Variants in FBXW11 observed in about 807,000 individuals in gnomAD.
The protein encoded by FBXW11 is F-box and WD repeat domain containing 11.
FBXW11 carries 19 observed loss-of-function variants against 77.6 expected under a neutral mutation model. The ratio of observed to expected loss-of-function variants is 0.24; its 90% CI spans 0.17 to 0.36. The LOEUF (loss-of-function observed/expected upper bound fraction) is 0.36. Among genes scored for constraint, FBXW11 ranks in the 10% least tolerant of loss-of-function variants. The pLI, the probability that FBXW11 is intolerant of heterozygous loss-of-function variation, is 1.00. For missense variants in FBXW11, 334 were observed against 704.2 expected, an observed-to-expected ratio of 0.47 and a Z score of 5.95; for synonymous variants, 235 against 249.4, an observed-to-expected ratio of 0.94 and a Z score of 0.54.
At chr5:171,935,737 C>T (rs1374159902) in intron 2 of FBXW11, among the ~76,000 whole-genome samples, 1 of 152,016 alleles carries the variant, frequency 6.6e-6, no homozygotes, top group African/African-American at 2.4e-5. Flanking sequence ...GTAAAGGTTT[C>T]CTTGAGTAAT....
intron 1 of FBXW11, among the ~76,000 whole-genome samples, chr5:171,961,067 T>C (rs1268768864): frequency 2.0e-5 from 3 of 152,206 alleles, no homozygotes; most frequent in African/African-American, 4.8e-5. Flanking sequence ...TTTACAATAA[T>C]CCTACACAAT....
chr5:171,905,888 C>G (rs1349218413), intron 4 of FBXW11, among the ~76,000 whole-genome samples: 3 of 152,158 alleles, frequency 2.0e-5, no homozygotes, highest in Admixed American at 6.5e-5. Flanking sequence ...ACCACCACCC[C>G]CTCTTCCTAA....
intron 1 of FBXW11, among the ~76,000 whole-genome samples, chr5:171,980,858 G>A (rs909028293): frequency 1.1e-4 from 16 of 152,236 alleles, no homozygotes; most frequent in African/African-American, 3.1e-4. Context: ...GCACAAAAGC[G>A]AAAATTCTTG....
chr5:171,975,121 T>C (rs751457580), intron 1 of FBXW11, among the ~76,000 whole-genome samples: 11 of 152,096 alleles, frequency 7.2e-5, no homozygotes, highest in Non-Finnish European at 1.5e-4. Context: ...GCAAGTTATA[T>C]AACCTAAGAG....
chr5:171,966,775 G>T (rs1457529906), intron 1 of FBXW11, among the ~76,000 whole-genome samples: 1 of 152,184 alleles, frequency 6.6e-6, no homozygotes, highest in Non-Finnish European at 1.5e-5. Flanking sequence ...TCAACCCTAA[G>T]TTTAATCTTT....
At chr5:171,983,421 T>C (rs1467776886) in intron 1 of FBXW11, among the ~76,000 whole-genome samples, 1 of 152,122 alleles carries the variant, frequency 6.6e-6, no homozygotes, top group Admixed American at 6.5e-5. Context: ...ACCCACAGTA[T>C]GGGTAGCGGG....
chr5:171,876,685 G>A lies in FBXW11; in HGVS notation c.972-151C>T, dbSNP rs986594518. 5 of 1,034,836 alleles carry A rather than the reference G, an allele frequency of 4.8e-6. No homozygotes were observed. The Admixed American group carries it at 1.2e-4, about 24-fold the overall frequency. The allele number at this position is 1,034,836 out of a possible 1,614,324, so 64.1% of individuals were successfully genotyped here. A position where few individuals can be genotyped will look rare whatever the true frequency, so the allele number is the denominator to read the frequency against. Reference sequence around the variant, plus strand: ...GTTGAAATTGATCCTCAATGTTGGAGGTGGGGCCTGGCAGGAGATGTTTTG... The same window carrying A: ...GTTGAAATTGATCCTCAATGTTGGAAGTGGGGCCTGGCAGGAGATGTTTTG... On this transcript the variant is annotated intron_variant, in intron 8 of 13. Coordinates refer to ENST00000517395, the MANE Select transcript of FBXW11 (RefSeq NM_001378974.1). The surrounding 1 kb of genome is among the most constrained non-coding windows in gnomAD (Gnocchi z 4.2).
intron 2 of FBXW11, among the ~76,000 whole-genome samples, chr5:171,916,031 T>C (rs1286244663): frequency 1.3e-5 from 2 of 150,424 alleles, no homozygotes; most frequent in Non-Finnish European, 3.0e-5. Flanking sequence ...TAGGTAGGAA[T>C]TGAACAATGA....
At chr5:171,956,174 C>A (rs999019467) in intron 2 of FBXW11, among the ~76,000 whole-genome samples, 3 of 152,150 alleles carry the variant, frequency 2.0e-5, no homozygotes, top group Non-Finnish European at 4.4e-5. Context: ...CAAAAATACA[C>A]CTATTATAAT....
intron 1 of FBXW11, among the ~76,000 whole-genome samples, chr5:171,989,072 G>A (rs905635213): frequency 1.3e-5 from 2 of 152,096 alleles, no homozygotes; most frequent in South Asian, 2.1e-4. Context: ...AGCTACTCAG[G>A]AGGCTGAGGC....
rs11350892 is a variant in FBXW11, at chr5:171,986,737, G to GA, written c.45+19720dup. ...GTGAGACTCCGTCTCAAAAAAAAAA[G>GA]AAAAAAAAAATCCGTGTGGACCACA... On this transcript the variant is annotated intron_variant, in intron 1 of 13. Transcript: ENST00000517395. Among the ~76,000 whole-genome samples, 539 of 149,736 alleles carry GA rather than the reference G, an allele frequency of 3.6e-3. 3 individuals carry two copies. Among genetic ancestry groups the GA allele is most frequent in the African/African-American group, 0.013 (513 of 40,040 alleles).
chr5:171,887,736 C>A (rs922323082), intron 7 of FBXW11, among the ~76,000 whole-genome samples: 1 of 151,928 alleles, frequency 6.6e-6, no homozygotes, highest in African/African-American at 2.4e-5. Flanking sequence ...TGGCTCACTG[C>A]AACCTCTGCC....
intron 7 of FBXW11, among the ~76,000 whole-genome samples, chr5:171,879,180 G>A (rs981085628): frequency 2.0e-5 from 3 of 152,170 alleles, no homozygotes; most frequent in African/African-American, 4.8e-5. Flanking sequence ...GTCTTTTCTA[G>A]AATGTCACAG....
intron 1 of FBXW11, among the ~76,000 whole-genome samples, chr5:171,984,120 C>T (rs912219599): frequency 1.3e-5 from 2 of 152,032 alleles, no homozygotes; most frequent in Non-Finnish European, 2.9e-5. Flanking sequence ...ACATAACTAG[C>T]CTACAGTGAA....
chr5:171,872,822 C>A (rs1449494437), intron 10 of FBXW11, 50 bp downstream of exon 10: 1 of 1,369,546 alleles, frequency 7.3e-7, no homozygotes, highest in Non-Finnish European at 1.0e-6. Flanking sequence ...GATGAGTCAA[C>A]AATGTGGCAA....
At chr5:171,892,534 G>T (rs139545066) in intron 6 of FBXW11, among the ~76,000 whole-genome samples, 2 of 152,024 alleles carry the variant, frequency 1.3e-5, no homozygotes, top group South Asian at 4.1e-4. Context: ...CACACAGAAC[G>T]TAAGAAGATC....
rs555819518 is a variant in FBXW11 at position 171,916,168 on chromosome 5, A to G, written c.148-1763T>C. On this transcript the variant is annotated intron_variant, in intron 2 of 13. Coordinates refer to ENST00000517395, the MANE Select transcript of FBXW11 (RefSeq NM_001378974.1). The stretch of plus-strand genomic sequence containing the variant: ...ACGAGTTAATGGGTGGAGCATACCA[A>G]CATGGCACATGTATACATATGTAAC... 3.3e-5 allele frequency among the ~76,000 whole-genome samples: 5 copies of G among 151,704 alleles called. No individual in the cohort carries two copies. In the South Asian group the frequency reaches 8.4e-4, roughly 25 times the overall value.
chr5:171,944,358 G>T (rs186512362), intron 2 of FBXW11, among the ~76,000 whole-genome samples: 4 of 151,754 alleles, frequency 2.6e-5, no homozygotes, highest in Admixed American at 2.0e-4. Context: ...GGTGGATCAC[G>T]AGGTCAGGAG....
chr5:171,983,184 T>A (rs1765245234), intron 1 of FBXW11, among the ~76,000 whole-genome samples: 1 of 151,960 alleles, frequency 6.6e-6, no homozygotes, highest in Non-Finnish European at 1.5e-5. Context: ...CAAGACCGTC[T>A]CAAAAACAAA....
Sources: allele counts gnomAD v4.1 joint callset (sites outside exome capture counted in the v4.1 genomes callset), GRCh38; gene constraint gnomAD v4.1.1; non-coding constraint Gnocchi (gnomAD v3.1); transcripts MANE v1.5; gene names NCBI Gene and HGNC (gene_info 2026-07-23, HGNC 2026-07-21).